The following ZNF213 variants were observed in gnomAD, a reference collection of about 807,000 sequenced individuals.
ZNF213 encodes zinc finger protein 213.
A neutral mutation model predicts 46.0 loss-of-function variants in ZNF213; 32 were observed. That is an observed-to-expected ratio of 0.70 (90% confidence interval 0.52 to 0.93). The LOEUF is 0.93. Ranked by LOEUF, ZNF213 falls within the 40% of genes least tolerant of loss-of-function variation. The probability of loss-of-function intolerance (pLI) is 0.00; values close to 1 mark genes in which losing one functional copy is unlikely to be tolerated. For synonymous variants in ZNF213, 297 were observed against 271.0 expected (o/e 1.10, Z -0.94); for missense variants, 639 against 652.8 (o/e 0.98, Z 0.23).
In ZNF213 at chr16:3,141,409, C is replaced by T; in HGVS notation, c.*62C>T. On this transcript the variant is annotated 3_prime_UTR_variant, in exon 6 of 6. Transcript: ENST00000396878. ...CCACGGCACATCCTGCTTTGTTCACCACTGGGACTCTCCTTCCATCTGTGG... is the reference window on the plus strand; with the variant it reads ...CCACGGCACATCCTGCTTTGTTCACTACTGGGACTCTCCTTCCATCTGTGG... The T allele has an allele frequency of 2.0e-6, 3 of 1,482,008 alleles. No individual in the cohort carries two copies. The highest frequency in any genetic ancestry group is 2.7e-6 in the Non-Finnish European group (3 of 1,119,848). The allele number at this position is 1,482,008 out of a possible 1,614,324, so 91.8% of individuals were successfully genotyped here.
At position 3,139,046 on chromosome 16, in the gene ZNF213, G is replaced by A; in HGVS notation, c.669G>A (p.Gln223=). ...REEWGTLDPA[Q]RDLFWDIKRE... ...AATGGGGCACCCTGGACCCTGCTCA[G>A]CGGGATCTCTTCTGGGACATAAAGC... Residue 223 remains glutamine, a synonymous_variant, in exon 5 of 6, where the codon CAG becomes CAA. Transcript: ENST00000396878. 4 of 1,614,124 alleles carry A rather than the reference G, an allele frequency of 2.5e-6. No homozygotes were observed. Among genetic ancestry groups the A allele is most frequent in the Non-Finnish European group, 3.4e-6 (4 of 1,179,992 alleles).
At position 3,141,277 on chromosome 16, in the gene ZNF213, G is replaced by A. The variant is rs981469855; in HGVS notation, c.1310G>A (p.Ser437Asn). Residue 437 changes from serine to asparagine, a missense_variant, in exon 6 of 6, where the codon AGC becomes AAC. By Grantham distance (46) the Ser-to-Asn change is conservative. Transcript: ENST00000396878. ...TTCGGCTGCGGAGAGTGCGACAAGA[G>A]CTTCAAGCAGCGCGCGCACCTCATC... ...RPFGCGECDK[S>N]FKQRAHLIAH... 1 of 1,611,286 alleles carries A rather than the reference G, an allele frequency of 6.2e-7. No homozygotes were observed. The highest frequency in any genetic ancestry group is 8.5e-7 in the Non-Finnish European group (1 of 1,179,840).
Position 3,138,030 on chromosome 16 carries a change from C to T in ZNF213, c.399+351C>T, listed in dbSNP as rs148589537. 104 of 457,332 alleles carry T rather than the reference C, an allele frequency of 2.3e-4. No homozygotes were observed. In the East Asian group the frequency reaches 4.3e-3, roughly 19 times the overall value. The allele number at this position is 457,332 out of a possible 1,614,324, so 28.3% of individuals were successfully genotyped here. ...GCATAGAGCCAGCTCCAGAGTGGGG[C>T]GAGAAGGTGGAGCTGTCCGGGGCCT... On this transcript the variant is annotated intron_variant, in intron 2 of 5. Coordinates refer to ENST00000396878, the MANE Select transcript of ZNF213 (RefSeq NM_004220.3).
Position 3,135,299 on chromosome 16 carries a change from C to T in ZNF213, c.-204C>T, listed in dbSNP as rs1397530830. ...CCGGCAGACGCCCCTGTACGATCGCCGCTCGCCCCGCGGGCGAGGCTGCGG... is the reference window on the plus strand; with the variant it reads ...CCGGCAGACGCCCCTGTACGATCGCTGCTCGCCCCGCGGGCGAGGCTGCGG... On this transcript the variant is annotated 5_prime_UTR_variant, in exon 1 of 6. Transcript: ENST00000396878. The T allele has an allele frequency of 6.6e-6, 1 of 152,210 alleles. No homozygotes were observed. The highest frequency in any genetic ancestry group is 1.5e-5 in the Non-Finnish European group (1 of 68,066). The allele number at this position is 152,210 out of a possible 1,614,324, so 9.4% of individuals were successfully genotyped here.
At chr16:3,138,192 C>CT in intron 2 of ZNF213, 1 of 830,810 alleles carries the variant, frequency 1.2e-6, no homozygotes, top group Non-Finnish European at 1.8e-6. Flanking sequence ...TGATTCTGGC[C>CT]TTTCAGGGCT....
rs757032854 is a variant in ZNF213, at chr16:3,141,086, C to T, written c.1119C>T (p.Phe373=). The T allele has an allele frequency of 1.2e-6, 2 of 1,613,228 alleles. No homozygotes were observed. The highest frequency in any genetic ancestry group is 1.3e-5 in the African/African-American group (1 of 74,928). ...HQGVHTGEKP[F]SCSECGKSFS... is the part of the protein sequence containing the mutation. ...GCGTGCACACGGGCGAGAAGCCCTT[C>T]TCCTGTTCCGAGTGCGGCAAGAGCT... The change falls in exon 6 of 6, where the codon TTC becomes TTT. Residue 373 remains phenylalanine (F), a synonymous_variant. Coordinates refer to ENST00000396878, the MANE Select transcript of ZNF213 (RefSeq NM_004220.3).
Position 3,139,017 on chromosome 16 carries a change from G to A in ZNF213, c.640G>A (p.Glu214Lys), listed in dbSNP as rs1356791582. 6.2e-7 allele frequency: 1 copy of A among 1,614,158 alleles called. No individual in the cohort carries two copies. Among genetic ancestry groups the A allele is most frequent in the Non-Finnish European group, 8.5e-7 (1 of 1,180,026 alleles). ...LGDIPFYFSR[E>K]EWGTLDPAQR... is the part of the protein sequence containing the mutation. ...AGACATCCCATTCTATTTCTCCCGG[G>A]AAGAATGGGGCACCCTGGACCCTGC... Residue 214 changes from glutamate (E) to lysine (K), a missense_variant, in exon 5 of 6, where the codon GAA (glutamate) becomes AAA (lysine). Glu to Lys is a moderately conservative substitution (Grantham distance 56). Coordinates refer to ENST00000396878, the MANE Select transcript of ZNF213 (RefSeq NM_004220.3).
rs1957519418 is a variant in ZNF213, at chr16:3,135,113, GGGGCGGGGGCC to G, written c.-386_-376del. ...GTTGTGTGTTTCGGGGGCGGGGGCG[GGGGCGGGGGCC>G]GGGGCGGGGACGGGGCCTCTGGCCG... On this transcript the variant is annotated 5_prime_UTR_variant, in exon 1 of 6. Coordinates refer to ENST00000396878, the MANE Select transcript of ZNF213 (RefSeq NM_004220.3). 3 of 145,938 alleles carry G rather than the reference GGGGCGGGGGCC, an allele frequency of 2.1e-5. No homozygotes were observed. Among genetic ancestry groups the G allele is most frequent in the Admixed American group, 2.0e-4 (3 of 14,856 alleles). 9.0% of individuals were successfully genotyped at this position (145,938 alleles called of 1,614,324 possible).
chr16:3,137,671 T>TGG lies in ZNF213; in HGVS notation c.392_393dup (p.Arg132GlyfsTer100), dbSNP rs1465064456. ...CCTACAGAAGCAGCCAGTGAAAGCC[T>TGG]GGCGACAGGTGAGGGGCCCTTCCAC... On this transcript the variant is annotated frameshift_variant, in exon 2 of 6. Transcript: ENST00000396878. LOFTEE classifies it high-confidence loss of function. 6.2e-7 allele frequency: 1 copy of TGG among 1,613,382 alleles called. No homozygotes were observed.
At position 3,137,504 on chromosome 16, in the gene ZNF213, G is replaced by A. The variant is rs775821363; in HGVS notation, c.224G>A (p.Arg75Gln). The change falls in exon 2 of 6, where the codon CGG becomes CAG. Residue 75 changes from arginine to glutamine, a missense_variant. Physicochemically the swap from Arg to Gln is conservative, Grantham distance 43. Coordinates refer to ENST00000396878, the MANE Select transcript of ZNF213 (RefSeq NM_004220.3). ...QLWELCCRWL[R>Q]PELRTKEQIL... The stretch of plus-strand genomic sequence containing the variant: ...TGGGAGCTCTGCTGCCGCTGGCTGC[G>A]GCCCGAGCTGCGTACCAAGGAGCAG... 30 of 1,613,866 alleles carry A rather than the reference G, an allele frequency of 1.9e-5. No homozygotes were observed. Among genetic ancestry groups the A allele is most frequent in the South Asian group, 5.5e-5 (5 of 91,084 alleles).
intron 3 of ZNF213, 80 bp from the exon 4 acceptor site, chr16:3,138,665 A>G: frequency 6.2e-7 from 1 of 1,610,064 alleles, no homozygotes; most frequent in South Asian, 1.1e-5. Context: ...GCGTGTGTGC[A>G]TGCGCACAGG....
chr16:3,136,736 G>T (rs76276984), intron 1 of ZNF213, among the ~76,000 whole-genome samples: 4 of 145,862 alleles, frequency 2.7e-5, no homozygotes, highest in African/African-American at 1.0e-4. Context: ...AAAAAAAAAA[G>T]ATATTTAATT....
rs983860726 is a variant in ZNF213 at position 3,138,531 on chromosome 16, C to T, written c.513C>T (p.His171=). The change falls in exon 3 of 6, where the codon CAC becomes CAT. Residue 171 remains histidine (H), a synonymous_variant. Coordinates refer to ENST00000396878, the MANE Select transcript of ZNF213 (RefSeq NM_004220.3). ...GGCCGTCTGTTCCCCAGGAGCAGCA[C>T]AGCCATAGCGGTGAGTAAGCCTCCG... ...RRRPSVPQEQ[H]SHSAQPPALL... 1.9e-6 allele frequency: 3 copies of T among 1,614,108 alleles called. No individual in the cohort carries two copies. Among genetic ancestry groups the T allele is most frequent in the Non-Finnish European group, 2.5e-6 (3 of 1,180,008 alleles).
At position 3,141,437 on chromosome 16, in the gene ZNF213, A is replaced by G; in HGVS notation, c.*90A>G. On this transcript the variant is annotated 3_prime_UTR_variant, in exon 6 of 6. Transcript: ENST00000396878. The stretch of plus-strand genomic sequence containing the variant: ...TGGGACTCTCCTTCCATCTGTGGCC[A>G]CCTCCCGGGCTGTCCGAGGGACCCC... 7.1e-7 allele frequency: 1 copy of G among 1,414,106 alleles called. No individual in the cohort carries two copies. The highest frequency in any genetic ancestry group is 9.3e-7 in the Non-Finnish European group (1 of 1,072,932). The allele number at this position is 1,414,106 out of a possible 1,614,324, so 87.6% of individuals were successfully genotyped here.
In ZNF213 at chr16:3,137,597, G is replaced by C; in HGVS notation, c.317G>C (p.Arg106Pro). The part of the protein sequence containing the change: ...VLPGEIQGWV[R>P]EQHPGSGEEA... ...CCAGGGGAGATCCAGGGCTGGGTGC[G>C]TGAGCAGCACCCGGGAAGCGGTGAG... The change falls in exon 2 of 6, where the codon CGT becomes CCT. Residue 106 changes from arginine to proline, a missense_variant. Transcript: ENST00000396878. The C allele has an allele frequency of 6.2e-7, 1 of 1,614,040 alleles. No homozygotes were observed. Among genetic ancestry groups the C allele is most frequent in the South Asian group, 1.1e-5 (1 of 91,090 alleles).
chr16:3,140,290 C>T (rs138569130), intron 5 of ZNF213: 591 of 161,316 alleles, frequency 3.7e-3, no homozygotes, highest in Non-Finnish European at 5.7e-3. Flanking sequence ...GGCATGATCC[C>T]GGCTTACTGC....
At chr16:3,135,496 T>C (rs1319516581) in intron 1 of ZNF213, 109 bp downstream of exon 1, 1 of 152,084 alleles carries the variant, frequency 6.6e-6, no homozygotes, top group African/African-American at 2.4e-5. Context: ...ATAAAGTGCT[T>C]AGGATGGACT....
Position 3,137,563 on chromosome 16 carries a change from A to C in ZNF213, c.283A>C (p.Thr95Pro). Residue 95 changes from threonine to proline, a missense_variant, in exon 2 of 6, where the codon ACA (threonine) becomes CCA (proline). Thr to Pro is a conservative substitution (Grantham distance 38, BLOSUM62 -1). Transcript: ENST00000396878. ...GCTGCTGGTGCTGGAGCAGTTCCTG[A>C]CAGTGCTGCCAGGGGAGATCCAGGG... ...LELLVLEQFL[T>P]VLPGEIQGWV... is the part of the protein sequence containing the mutation. 1 of 1,614,064 alleles carries C rather than the reference A, an allele frequency of 6.2e-7. No homozygotes were observed. The highest frequency in any genetic ancestry group is 8.5e-7 in the Non-Finnish European group (1 of 1,180,030).
In ZNF213 at chr16:3,141,363, G is replaced by C. The variant is rs780942797; in HGVS notation, c.*16G>C. Reference sequence around the variant, plus strand: ...CGTGGGGTGAGCAGCTGGCTTGGCCGGAAACCCGGGGGAGGCCCAGCCACG... The same window carrying C: ...CGTGGGGTGAGCAGCTGGCTTGGCCCGAAACCCGGGGGAGGCCCAGCCACG... On this transcript the variant is annotated 3_prime_UTR_variant, in exon 6 of 6. Transcript: ENST00000396878. The C allele has an allele frequency of 2.0e-6, 3 of 1,525,936 alleles. No individual in the cohort carries two copies. The South Asian group carries it at 3.8e-5, about 19-fold the overall frequency. The allele number at this position is 1,525,936 out of a possible 1,614,324, so 94.5% of individuals were successfully genotyped here.
Sources: allele counts gnomAD v4.1 joint callset (sites outside exome capture counted in the v4.1 genomes callset), GRCh38; gene constraint gnomAD v4.1.1; transcripts MANE v1.5; gene names NCBI Gene and HGNC (gene_info 2026-07-23, HGNC 2026-07-21).